SNAI3: variants seen among roughly 807,000 people sequenced by gnomAD.
SNAI3 encodes the protein zinc finger protein SNAI3.
A neutral mutation model predicts 16.4 loss-of-function variants in SNAI3; 21 were observed. The observed-to-expected ratio is 1.28, with a 90% CI of 0.91 to 1.85. SNAI3 has a LOEUF of 1.85. Among genes scored for constraint, SNAI3 ranks in the 40% most tolerant of loss-of-function variants. The pLI, the probability that SNAI3 is intolerant of heterozygous loss-of-function variation, is 0.00. For synonymous variants in SNAI3, 202 were observed against 166.6 expected, an observed-to-expected ratio of 1.21 and a Z score of -1.64; for missense variants, 457 against 372.8, an observed-to-expected ratio of 1.23 and a Z score of -1.86.
At chr16:88,682,812 G>T (rs557826131) in intron 1 of SNAI3, among the ~76,000 whole-genome samples, 58 of 95,690 alleles carry the variant, frequency 6.1e-4, no homozygotes, top group Non-Finnish European at 9.4e-4. Context: ...GTCTCGCTCT[G>T]TTGCCAGGCT....
chr16:88,684,058 T>A (rs1045942685), intron 1 of SNAI3, among the ~76,000 whole-genome samples: 2 of 152,182 alleles, frequency 1.3e-5, no homozygotes, highest in African/African-American at 4.8e-5. Context: ...ACGCCTCCCA[T>A]CTGCCACTCT....
At chr16:88,678,694 C>G in intron 2 of SNAI3, 65 bp from the exon 3 acceptor site, 8 of 1,532,008 alleles carry the variant, frequency 5.2e-6, no homozygotes, top group Middle Eastern at 3.4e-4. Flanking sequence ...AGCACCCACC[C>G]TGCCCATCAA....
Position 88,681,832 on chromosome 16 carries a change from G to A in SNAI3, c.77-118C>T. On this transcript the variant is annotated intron_variant, in intron 1 of 2. Transcript: ENST00000332281. The surrounding 1 kb of genome is among the most constrained non-coding windows in gnomAD (Gnocchi z 5.4). ...CCATCAGCAGCCTGGCGTGGGAGGTGTAGCCGGGAACCTGCATGCAGACCC... is the reference window on the plus strand; with the variant it reads ...CCATCAGCAGCCTGGCGTGGGAGGTATAGCCGGGAACCTGCATGCAGACCC... 1.7e-6 allele frequency: 2 copies of A among 1,184,942 alleles called. No homozygotes were observed. Among genetic ancestry groups the A allele is most frequent in the Non-Finnish European group, 2.2e-6 (2 of 928,572 alleles). The allele number at this position is 1,184,942 out of a possible 1,614,324, so 73.4% of individuals were successfully genotyped here. A position where few individuals can be genotyped will look rare whatever the true frequency, so the allele number is the denominator to read the frequency against.
In SNAI3 at chr16:88,686,427, G is replaced by A. The variant is rs201418285; in HGVS notation, c.-21C>T. ...GGCATGTTCCCCTCCCGGGCGGCAG[G>A]CCGGGGTGGGCTGGGGCGGGAGGGG... is the stretch of plus-strand genomic sequence containing the variant. On this transcript the variant is annotated 5_prime_UTR_variant, in exon 1 of 3. Transcript: ENST00000332281. 6.4e-4 allele frequency: 1,032 copies of A among 1,606,418 alleles called. 5 individuals are homozygous for A. The African/African-American group carries it at 0.01, about 16-fold the overall frequency.
rs922719573 is a variant in SNAI3, at chr16:88,681,661, G to C, written c.130C>G (p.Arg44Gly). 1 of 1,475,790 alleles carries C rather than the reference G, an allele frequency of 6.8e-7. No individual in the cohort carries two copies. The highest frequency in any genetic ancestry group is 1.4e-5 in the African/African-American group (1 of 70,900). 91.4% of individuals were successfully genotyped at this position (1,475,790 alleles called of 1,614,324 possible). A position where few individuals can be genotyped will look rare whatever the true frequency, so the allele number is the denominator to read the frequency against. Residue 44 changes from arginine (R) to glycine (G), a missense_variant, in exon 2 of 3, where the codon CGA (arginine) becomes GGA (glycine). Physicochemically the swap from Arg to Gly is moderately radical, Grantham distance 125. Coordinates refer to ENST00000332281, the MANE Select transcript of SNAI3 (RefSeq NM_178310.4). The surrounding 1 kb of genome is among the most constrained non-coding windows in gnomAD (Gnocchi z 5.4). ...CGGLVVPLLPRDKEAPSVPGD... is the reference protein window; with the variant it reads ...CGGLVVPLLPGDKEAPSVPGD... ...GGCACAGAAGGGGCCTCCTTGTCTCGGGGGAGGAGGGGCACCACCAGCCCC... is the reference window on the plus strand; with the variant it reads ...GGCACAGAAGGGGCCTCCTTGTCTCCGGGGAGGAGGGGCACCACCAGCCCC...
At chr16:88,686,276 T>C (rs2142951370) in intron 1 of SNAI3, 55 bp downstream of exon 1, 1 of 1,585,542 alleles carries the variant, frequency 6.3e-7, no homozygotes, top group Non-Finnish European at 8.6e-7. Context: ...TCTCTCTCTC[T>C]CCCGCCCCTC....
intron 2 of SNAI3, among the ~76,000 whole-genome samples, chr16:88,680,772 T>G (rs571525135): frequency 6.6e-6 from 1 of 152,052 alleles, no homozygotes; most frequent in South Asian, 2.1e-4. Flanking sequence ...CTGTTTGGAT[T>G]TTTAGTAGAG....
chr16:88,686,162 G>C (rs868066784), intron 1 of SNAI3, 169 bp downstream of exon 1: 4 of 826,742 alleles, frequency 4.8e-6, no homozygotes, highest in South Asian at 3.9e-5. Flanking sequence ...GGAGGCGCCC[G>C]TGGGCCACCT....
At position 88,681,428 on chromosome 16, in the gene SNAI3, G is replaced by A; in HGVS notation, c.363C>T (p.Pro121=). 1 of 1,607,562 alleles carries A rather than the reference G, an allele frequency of 6.2e-7. No homozygotes were observed. Among genetic ancestry groups the A allele is most frequent in the African/African-American group, 1.3e-5 (1 of 74,944 alleles). Residue 121 remains proline (P), a synonymous_variant, in exon 2 of 3, where the codon CCC becomes CCT. Transcript: ENST00000332281. This position sits in a 1 kb window ranked among gnomAD's most constrained non-coding sequence, Gnocchi z 5.4. ...HLNLPPLLVL[P]TRWSPTLGPD... ...GGCCCAAGGTCGGGGACCACCGTGT[G>A]GGCAGCACCAGCAGTGGGGGCAGGT...
At chr16:88,682,249 T>C (rs1367132901) in intron 1 of SNAI3, among the ~76,000 whole-genome samples, 1 of 152,200 alleles carries the variant, frequency 6.6e-6, no homozygotes, top group East Asian at 1.9e-4. Flanking sequence ...GCATCTCCTT[T>C]TGTGGATAAC....
In SNAI3 at chr16:88,681,365, A is replaced by G. The variant is rs373207558; in HGVS notation, c.426T>C (p.Ala142=). Residue 142 remains alanine, a synonymous_variant, in exon 2 of 3, where the codon GCT becomes GCC. Coordinates refer to ENST00000332281, the MANE Select transcript of SNAI3 (RefSeq NM_178310.4). The surrounding 1 kb of genome is among the most constrained non-coding windows in gnomAD (Gnocchi z 5.4). ...RHGAPEKLLG[A]ERMPRAPGGF... is the part of the protein sequence containing the mutation. Reference sequence around the variant, plus strand: ...CGCCCGGGGCTCGGGGCATCCGCTCAGCCCCAAGCAGTTTTTCCGGAGCCC... The same window carrying G: ...CGCCCGGGGCTCGGGGCATCCGCTCGGCCCCAAGCAGTTTTTCCGGAGCCC... 1.6e-5 allele frequency: 26 copies of G among 1,612,392 alleles called. No homozygotes were observed. The African/African-American group carries it at 3.1e-4, about 19-fold the overall frequency.
intron 2 of SNAI3, among the ~76,000 whole-genome samples, chr16:88,679,431 A>T (rs191988838): frequency 3.3e-5 from 5 of 152,352 alleles, no homozygotes; most frequent in African/African-American, 1.2e-4. Flanking sequence ...CACAAAAGTC[A>T]TGACTTAGGG....
intron 1 of SNAI3, among the ~76,000 whole-genome samples, chr16:88,684,540 G>T (rs1597394557): frequency 6.6e-6 from 1 of 152,320 alleles, no homozygotes; most frequent in Admixed American, 6.5e-5. Flanking sequence ...CTGTCGCCCA[G>T]GTTGGAGTGC....
At chr16:88,679,043 G>A in intron 2 of SNAI3, 6 of 985,444 alleles carry the variant, frequency 6.1e-6, no homozygotes, top group Non-Finnish European at 7.2e-6. Flanking sequence ...GACAACAGGG[G>A]ATCTGGACAA....
chr16:88,678,658 A>G, intron 2 of SNAI3, 29 bp from the exon 3 acceptor site: 4 of 1,511,590 alleles, frequency 2.6e-6, no homozygotes, highest in South Asian at 1.1e-5. Context: ...GGCCAGTGAC[A>G]CCATGGAAGA....
chr16:88,684,892 C>T (rs1284328427), intron 1 of SNAI3, among the ~76,000 whole-genome samples: 1 of 152,236 alleles, frequency 6.6e-6, no homozygotes, highest in African/African-American at 2.4e-5. Context: ...AATCCCAGCA[C>T]CTCAGGTCTA....
At chr16:88,685,689 T>C (rs574639869) in intron 1 of SNAI3, 1 of 152,580 alleles carries the variant, frequency 6.6e-6, no homozygotes, top group Admixed American at 6.5e-5. Context: ...GTGTGGAGGA[T>C]TGCAGCCCTT....
At chr16:88,679,874 G>A (rs1909106114) in intron 2 of SNAI3, among the ~76,000 whole-genome samples, 3 of 152,082 alleles carry the variant, frequency 2.0e-5, no homozygotes, top group South Asian at 4.2e-4. Flanking sequence ...GAGCCCAGAA[G>A]TTCAAGACCA....
At chr16:88,682,060 G>A (rs2056406629) in intron 1 of SNAI3, among the ~76,000 whole-genome samples, 1 of 152,176 alleles carries the variant, frequency 6.6e-6, no homozygotes, top group African/African-American at 2.4e-5. Flanking sequence ...CGCCTCGGCT[G>A]GGCAGGACCC....
Sources: allele counts gnomAD v4.1 joint callset (sites outside exome capture counted in the v4.1 genomes callset), GRCh38; gene constraint gnomAD v4.1.1; non-coding constraint Gnocchi (gnomAD v3.1); transcripts MANE v1.5; gene names NCBI Gene and HGNC (gene_info 2026-07-23, HGNC 2026-07-21).